The following CEP112 variants were observed in gnomAD, a reference collection of about 807,000 sequenced individuals.
CEP112 encodes centrosomal protein of 112 kDa.
CEP112 carries 127 observed loss-of-function variants against 153.0 expected under a neutral mutation model. The ratio of observed to expected loss-of-function variants is 0.83; its 90% CI spans 0.72 to 0.96. The LOEUF (loss-of-function observed/expected upper bound fraction) is 0.96. Ranked by LOEUF, CEP112 falls within the 40% of genes least tolerant of loss-of-function variation. The probability of loss-of-function intolerance (pLI) is 0.00; values close to 1 mark genes in which losing one functional copy is unlikely to be tolerated. For missense variants in CEP112, 1,089 were observed against 1,101.2 expected (o/e 0.99, Z 0.16); for synonymous variants, 358 against 374.4 (o/e 0.96, Z 0.51).
intron 18 of CEP112, among the ~76,000 whole-genome samples, chr17:65,959,255 A>G (rs544164751): frequency 6.6e-6 from 1 of 152,102 alleles, no homozygotes; most frequent in East Asian, 1.9e-4. Flanking sequence ...GTCTGCAGAG[A>G]CGGGTTTACC....
intron 16 of CEP112, among the ~76,000 whole-genome samples, chr17:66,020,175 G>A (rs1009875493): frequency 6.6e-6 from 1 of 152,138 alleles, no homozygotes; most frequent in Non-Finnish European, 1.5e-5. Context: ...GACAGCCAGT[G>A]ATCTGCCCAA....
intron 10 of CEP112, among the ~76,000 whole-genome samples, chr17:66,065,954 G>A (rs981454683): frequency 6.6e-6 from 1 of 152,070 alleles, no homozygotes; most frequent in Non-Finnish European, 1.5e-5. Context: ...AATGCATGGG[G>A]TATCCATTCT....
At chr17:66,107,145 A>G (rs2068817515) in intron 6 of CEP112, among the ~76,000 whole-genome samples, 2 of 149,332 alleles carry the variant, frequency 1.3e-5, no homozygotes, top group Non-Finnish European at 3.0e-5. Flanking sequence ...AACATACTTC[A>G]GTACAACAAA....
At chr17:66,064,609 C>T (rs2067046812) in intron 10 of CEP112, among the ~76,000 whole-genome samples, 1 of 152,132 alleles carries the variant, frequency 6.6e-6, no homozygotes, top group Admixed American at 6.6e-5. Flanking sequence ...CTCAACTACA[C>T]AACAAATAAG....
chr17:65,875,488 C>A (rs1033732376), intron 20 of CEP112, among the ~76,000 whole-genome samples: 1 of 152,034 alleles, frequency 6.6e-6, no homozygotes, highest in African/African-American at 2.4e-5. Flanking sequence ...GACCTTAATA[C>A]CTTTACGTAC....
At chr17:65,658,737 T>A (rs771579456) in intron 24 of CEP112, among the ~76,000 whole-genome samples, 1 of 151,990 alleles carries the variant, frequency 6.6e-6, no homozygotes, top group Non-Finnish European at 1.5e-5. Context: ...AGAACAGGAA[T>A]GTCCCAGGAG....
In CEP112 at chr17:65,654,211, A is replaced by G. The variant is rs530757716; in HGVS notation, c.2698-13146T>C. On this transcript the variant is annotated intron_variant, in intron 24 of 26. Coordinates refer to ENST00000535342, the MANE Select transcript of CEP112 (RefSeq NM_001199165.4). ...TAAAGTATCATGTGTTGCCACAGCA[A>G]CTGCCAAGAAAAATCCGTTTTAAGA... Among the ~76,000 whole-genome samples, 4 of 152,296 alleles carry G rather than the reference A, an allele frequency of 2.6e-5. No individual in the cohort carries two copies. In the East Asian group the frequency reaches 5.8e-4, roughly 22 times the overall value.
intron 18 of CEP112, among the ~76,000 whole-genome samples, chr17:65,931,424 C>A (rs2061119067): frequency 6.6e-6 from 1 of 152,246 alleles, no homozygotes; most frequent in Non-Finnish European, 1.5e-5. Flanking sequence ...TTCCCCTGGG[C>A]CCATGGTTTC....
At chr17:65,694,798 G>C (rs1202719569) in intron 23 of CEP112, among the ~76,000 whole-genome samples, 1 of 152,118 alleles carries the variant, frequency 6.6e-6, no homozygotes, top group Non-Finnish European at 1.5e-5. Context: ...TTTAAGTTGT[G>C]TCATCCTTAT....
intron 23 of CEP112, among the ~76,000 whole-genome samples, chr17:65,715,489 C>T (rs1359419154): frequency 1.3e-5 from 2 of 151,898 alleles, no homozygotes; most frequent in Non-Finnish European, 2.9e-5. Context: ...CTTGCTCCGT[C>T]GCTCAGGCTG....
intron 6 of CEP112, among the ~76,000 whole-genome samples, chr17:66,099,273 G>T (rs1459552261): frequency 6.6e-6 from 1 of 152,172 alleles, no homozygotes; most frequent in African/African-American, 2.4e-5. Flanking sequence ...GGAGGCCAAG[G>T]CAGGCAGATC....
At chr17:66,089,763 T>C (rs1023414593) in intron 8 of CEP112, among the ~76,000 whole-genome samples, 1 of 152,132 alleles carries the variant, frequency 6.6e-6, no homozygotes, top group Non-Finnish European at 1.5e-5. Flanking sequence ...AGAAAGTTTA[T>C]TTAAACAAAT....
chr17:66,188,286 A>AACAAAC (rs1555827835), intron 1 of CEP112, among the ~76,000 whole-genome samples: 1 of 109,438 alleles, frequency 9.1e-6, no homozygotes, highest in Admixed American at 9.1e-5. Flanking sequence ...CACACACACA[A>AACAAAC]ACACACACAC....
chr17:66,170,078 C>G (rs1344980286), intron 4 of CEP112, among the ~76,000 whole-genome samples: 1 of 152,128 alleles, frequency 6.6e-6, no homozygotes, highest in Admixed American at 6.6e-5. Context: ...TTTCCAAAAC[C>G]AGCAAACGGA....
intron 16 of CEP112, among the ~76,000 whole-genome samples, chr17:66,017,179 CA>C (rs1277753848): frequency 6.6e-6 from 1 of 152,202 alleles, no homozygotes; most frequent in African/African-American, 2.4e-5. Flanking sequence ...TCTACCTTTT[CA>C]GAAAGTAGTA....
intron 21 of CEP112, among the ~76,000 whole-genome samples, chr17:65,815,708 G>A (rs2056227048): frequency 6.6e-6 from 1 of 151,958 alleles, no homozygotes; most frequent in Non-Finnish European, 1.5e-5. Context: ...CACAGATCTT[G>A]GATATATCCT....
At chr17:65,800,964 T>C (rs1307460398) in intron 21 of CEP112, among the ~76,000 whole-genome samples, 2 of 152,236 alleles carry the variant, frequency 1.3e-5, no homozygotes, top group African/African-American at 2.4e-5. Context: ...AGTTGTATTA[T>C]GTCTTTTTGT....
At chr17:65,875,539 A>G (rs575570210) in intron 20 of CEP112, among the ~76,000 whole-genome samples, 16 of 152,288 alleles carry the variant, frequency 1.1e-4, no homozygotes, top group Non-Finnish European at 2.1e-4. Flanking sequence ...ATTTTCTGCT[A>G]TAAAAAATAT....
intron 21 of CEP112, among the ~76,000 whole-genome samples, chr17:65,837,803 C>A (rs970856985): frequency 6.6e-6 from 1 of 152,194 alleles, no homozygotes; most frequent in Non-Finnish European, 1.5e-5. Flanking sequence ...ACCCCGTGCT[C>A]TCTGAAACAT....
Sources: gnomAD v4.1 joint callset for allele counts (sites outside exome capture counted in the v4.1 genomes callset) on GRCh38, gnomAD v4.1.1 for gene constraint, MANE v1.5 for transcripts, NCBI Gene and HGNC (gene_info 2026-07-23, HGNC 2026-07-21) for gene names.